Variants in TELO2 observed in about 807,000 individuals in gnomAD.
The protein encoded by TELO2 is telomere length regulation protein TEL2 homolog.
TELO2 carries 71 observed loss-of-function variants against 91.0 expected under a neutral mutation model. The ratio of observed to expected loss-of-function variants is 0.78; its 90% CI spans 0.64 to 0.95. TELO2 has a LOEUF of 0.95. TELO2 is among the 40% of genes least tolerant of loss of function. TELO2 has a pLI of 0.00. For synonymous variants in TELO2, 584 were observed against 518.9 expected, an observed-to-expected ratio of 1.13 and a Z score of -1.71; for missense variants, 1,183 against 1,141.3, an observed-to-expected ratio of 1.04 and a Z score of -0.53.
chr16:1,509,848 C>G lies in TELO2; in HGVS notation c.2426C>G (p.Pro809Arg). 1 of 1,612,218 alleles carries G rather than the reference C, an allele frequency of 6.2e-7. No homozygotes were observed. Among genetic ancestry groups the G allele is most frequent in the Non-Finnish European group, 8.5e-7 (1 of 1,179,676 alleles). ...CTGGCAGACGTGGCTGAGAAAGACC[C>G]GGACGAGGACTGCAGGACGCTGGCA... ...SWLADVAEKD[P>R]DEDCRTLALR... The change falls in exon 21 of 21, where the codon CCG becomes CGG. Residue 809 changes from proline (P) to arginine (R), a missense_variant. Coordinates refer to ENST00000262319, the MANE Select transcript of TELO2 (RefSeq NM_016111.4).
chr16:1,508,031 G>A (rs67168705), intron 20 of TELO2, among the ~76,000 whole-genome samples: 14,531 of 152,184 alleles, frequency 0.095, 926 homozygotes, highest in African/African-American at 0.17. Context: ...AGCACTGGCC[G>A]TTTCCCTCCT....
In TELO2 at chr16:1,497,630, C is replaced by T. The variant is rs1019017506; in HGVS notation, c.830+122C>T. 4.4e-6 allele frequency: 6 copies of T among 1,358,424 alleles called. No individual in the cohort carries two copies. The highest frequency in any genetic ancestry group is 3.7e-4 in the Middle Eastern group (2 of 5,350). 84.1% of individuals were successfully genotyped at this position (1,358,424 alleles called of 1,614,324 possible). On this transcript the variant is annotated intron_variant, in intron 5 of 20. Transcript: ENST00000262319. The surrounding 1 kb of genome is among the most constrained non-coding windows in gnomAD (Gnocchi z 4.0). ...TGCAGCTGGCACCCCCATGTAGGTGCCACAGGGTGTGGGTGGTGCCCTCTC... is the reference window on the plus strand; with the variant it reads ...TGCAGCTGGCACCCCCATGTAGGTGTCACAGGGTGTGGGTGGTGCCCTCTC...
chr16:1,501,832 C>T (rs1043931369), intron 11 of TELO2, 59 bp downstream of exon 11: 88 of 1,553,198 alleles, frequency 5.7e-5, no homozygotes, highest in Non-Finnish European at 7.5e-5. Flanking sequence ...GAACCCCTCA[C>T]ACTCCAAGCT....
In TELO2 at chr16:1,505,695, G is replaced by A; in HGVS notation, c.2034+94G>A. ...CCTCCAGGCGCTGTCTGCAGCGAGG[G>A]GCGGCCACATTCGCTGGGGATGGTG... On this transcript the variant is annotated intron_variant, in intron 16 of 20. Coordinates refer to ENST00000262319, the MANE Select transcript of TELO2 (RefSeq NM_016111.4). The surrounding 1 kb of genome is among the most constrained non-coding windows in gnomAD (Gnocchi z 4.3). 1 of 1,429,410 alleles carries A rather than the reference G, an allele frequency of 7.0e-7. No individual in the cohort carries two copies. The highest frequency in any genetic ancestry group is 1.3e-5 in the South Asian group (1 of 74,294). 88.5% of individuals were successfully genotyped at this position (1,429,410 alleles called of 1,614,324 possible).
In TELO2 at chr16:1,502,395, C is replaced by T. The variant is rs752489555; in HGVS notation, c.1644C>T (p.Ala548=). 4 of 1,598,496 alleles carry T rather than the reference C, an allele frequency of 2.5e-6. No individual in the cohort carries two copies. In the South Asian group the frequency reaches 4.5e-5, roughly 18 times the overall value. The part of the protein sequence containing the change: ...LEGLVYRSPT[A]TREVSVELAK... ...GCCTGGTCTACAGGAGCCCCACAGCCACTCGGGAGGTGAGTGGGGGGCGGG... is the reference window on the plus strand; with the variant it reads ...GCCTGGTCTACAGGAGCCCCACAGCTACTCGGGAGGTGAGTGGGGGGCGGG... Residue 548 remains alanine (A), a synonymous_variant, in exon 13 of 21, where the codon GCC becomes GCT. Transcript: ENST00000262319.
intron 15 of TELO2, 26 bp downstream of exon 15, chr16:1,503,028 C>A (rs769772999): frequency 6.2e-7 from 1 of 1,606,994 alleles, no homozygotes; most frequent in Non-Finnish European, 8.5e-7. Flanking sequence ...GCCTCAGTCC[C>A]CCTGGTCTGG....
intron 19 of TELO2, 99 bp from the exon 20 acceptor site, chr16:1,507,502 C>A: frequency 6.7e-7 from 1 of 1,487,292 alleles, no homozygotes; most frequent in Non-Finnish European, 9.1e-7. Context: ...GGAAGTGTGC[C>A]AGGCAGGGCC....
Position 1,509,995 on chromosome 16 carries a change from G to A in TELO2, c.*59G>A, listed in dbSNP as rs980053999. ...ACAGCAAGGCAGGCGGCTGAGCAGC[G>A]GCCTGGAGCAGCAGAGCCAGGCTTT... On this transcript the variant is annotated 3_prime_UTR_variant, in exon 21 of 21. Coordinates refer to ENST00000262319, the MANE Select transcript of TELO2 (RefSeq NM_016111.4). The A allele has an allele frequency of 8.4e-5, 121 of 1,447,300 alleles. No homozygotes were observed. Among genetic ancestry groups the A allele is most frequent in the Non-Finnish European group, 1.1e-4 (117 of 1,058,150 alleles). The allele number at this position is 1,447,300 out of a possible 1,614,324, so 89.7% of individuals were successfully genotyped here.
rs202195643 is a variant in TELO2 at position 1,506,280 on chromosome 16, A to C, written c.2077A>C (p.Asn693His). 6.2e-7 allele frequency: 1 copy of C among 1,613,880 alleles called. No individual in the cohort carries two copies. The highest frequency in any genetic ancestry group is 2.2e-5 in the East Asian group (1 of 44,874). ...QGPAGSPSRFNSVAGHFFFPL... is the reference protein window; with the variant it reads ...QGPAGSPSRFHSVAGHFFFPL... ...CCCGGCAGGCAGCCCCAGCAGATTC[A>C]ACTCCGTGGCCGGCCACTTCTTCTT... The change falls in exon 17 of 21, where the codon AAC becomes CAC. Residue 693 changes from asparagine (N) to histidine (H), a missense_variant. Asn to His is a moderately conservative substitution (Grantham distance 68). Coordinates refer to ENST00000262319, the MANE Select transcript of TELO2 (RefSeq NM_016111.4).
At chr16:1,506,484 G>A in intron 17 of TELO2, 155 bp downstream of exon 17, 2 of 1,487,260 alleles carry the variant, frequency 1.3e-6, no homozygotes, top group South Asian at 1.3e-5. Context: ...TAAATGGCAG[G>A]GAGCGTCCCG....
chr16:1,500,535 G>A, intron 8 of TELO2, 28 bp from the exon 9 acceptor site: 2 of 1,610,308 alleles, frequency 1.2e-6, no homozygotes, highest in South Asian at 2.2e-5. Context: ...GCCCCGAGGT[G>A]CTCAGGGGGC....
intron 20 of TELO2, among the ~76,000 whole-genome samples, chr16:1,508,964 G>C (rs532677699): frequency 6.6e-6 from 1 of 151,806 alleles, no homozygotes; most frequent in Admixed American, 6.5e-5. Flanking sequence ...CCAGACACCA[G>C]ACCCTTGGAG....
Position 1,500,391 on chromosome 16 carries a change from C to T in TELO2, c.1047C>T (p.Ile349=). Reference sequence around the variant, plus strand: ...AGACGTGGGGCAGCAGCAGTGCCATCCGCCACACTCCCCTGCCGCAGCAGC... The same window carrying T: ...AGACGTGGGGCAGCAGCAGTGCCATTCGCCACACTCCCCTGCCGCAGCAGC... The part of the protein sequence containing the change: ...LLETWGSSSA[I]RHTPLPQQRH... The change falls in exon 8 of 21, where the codon ATC becomes ATT. Residue 349 remains isoleucine, a synonymous_variant. Coordinates refer to ENST00000262319, the MANE Select transcript of TELO2 (RefSeq NM_016111.4). 6.3e-7 allele frequency: 1 copy of T among 1,598,544 alleles called. No homozygotes were observed. Among genetic ancestry groups the T allele is most frequent in the Non-Finnish European group, 8.5e-7 (1 of 1,174,348 alleles).
chr16:1,495,768 C>T (rs2039469170), intron 3 of TELO2, 145 bp downstream of exon 3: 2 of 1,197,168 alleles, frequency 1.7e-6, no homozygotes, highest in South Asian at 3.1e-5. Context: ...CTGTCCCGCA[C>T]AGTAGTGACC....
In TELO2 at chr16:1,495,541, C is replaced by G; in HGVS notation, c.531C>G (p.Ala177=). Reference sequence around the variant, plus strand: ...ACCGCCTGCAGCAGGAGAACTTGGCCGAGTTCTTCCCCCAGAACTACTTCC... The same window carrying G: ...ACCGCCTGCAGCAGGAGAACTTGGCGGAGTTCTTCCCCCAGAACTACTTCC... ...LGNRLQQENL[A]EFFPQNYFRL... The change falls in exon 3 of 21, where the codon GCC becomes GCG. Residue 177 remains alanine, a synonymous_variant. Coordinates refer to ENST00000262319, the MANE Select transcript of TELO2 (RefSeq NM_016111.4). 3.1e-6 allele frequency: 5 copies of G among 1,611,842 alleles called. No homozygotes were observed. The highest frequency in any genetic ancestry group is 3.4e-6 in the Non-Finnish European group (4 of 1,179,966).
Position 1,505,385 on chromosome 16 carries a change from C to G in TELO2, c.1843-25C>G. On this transcript the variant is annotated intron_variant, in intron 15 of 20. Transcript: ENST00000262319. This position sits in a 1 kb window ranked among gnomAD's most constrained non-coding sequence, Gnocchi z 4.3. ...ATGTTCTTCCCTGGAGCAGTGGCGA[C>G]GGCCCTGGGCCTGTCTCCCTCCAGG... 6.3e-7 allele frequency: 1 copy of G among 1,591,536 alleles called. No individual in the cohort carries two copies. The highest frequency in any genetic ancestry group is 2.3e-5 in the East Asian group (1 of 44,346).
chr16:1,504,803 C>T (rs944343410), intron 15 of TELO2, among the ~76,000 whole-genome samples: 2 of 151,970 alleles, frequency 1.3e-5, no homozygotes, highest in African/African-American at 2.4e-5. Flanking sequence ...GTGATCCGCC[C>T]GCCTCAGCCG....
At chr16:1,508,969 T>A (rs2040014749) in intron 20 of TELO2, among the ~76,000 whole-genome samples, 1 of 152,002 alleles carries the variant, frequency 6.6e-6, no homozygotes, top group South Asian at 2.1e-4. Context: ...CACCAGACCC[T>A]TGGAGCTGCT....
chr16:1,501,578 GA>G (rs2039681240), intron 10 of TELO2, 79 bp downstream of exon 10: 2 of 1,566,204 alleles, frequency 1.3e-6, no homozygotes, highest in Admixed American at 1.8e-5. Flanking sequence ...TGGGAGGGGG[GA>G]AACCCTTTCT....
Sources: allele counts gnomAD v4.1 joint callset (sites outside exome capture counted in the v4.1 genomes callset), GRCh38; gene constraint gnomAD v4.1.1; non-coding constraint Gnocchi (gnomAD v3.1); transcripts MANE v1.5; gene names NCBI Gene and HGNC (gene_info 2026-07-23, HGNC 2026-07-21).